DLGAP2: variants seen among roughly 807,000 people sequenced by gnomAD.
DLGAP2 encodes DLG associated protein 2, also known as disks large-associated protein 2.
DLGAP2 carries 26 observed loss-of-function variants against 100.3 expected under a neutral mutation model. The observed-to-expected ratio is 0.26, with a 90% CI of 0.19 to 0.36. The LOEUF (loss-of-function observed/expected upper bound fraction) is 0.36, where lower values mean the gene tolerates loss of function less well. Among genes scored for constraint, DLGAP2 ranks in the 10% least tolerant of loss-of-function variants. The pLI is 1.00. For synonymous variants in DLGAP2, 886 were observed against 630.1 expected (o/e 1.41, Z -6.08); for missense variants, 1,858 against 1,453.2 (o/e 1.28, Z -4.53).
chr8:1,377,442 G>A (rs1795981178), intron 3 of DLGAP2, among the ~76,000 whole-genome samples: 1 of 152,258 alleles, frequency 6.6e-6, no homozygotes, highest in Non-Finnish European at 1.5e-5. Flanking sequence ...TACTCTGGAG[G>A]CTGAGACAGG....
At chr8:1,249,779 G>A (rs904030340) in intron 2 of DLGAP2, among the ~76,000 whole-genome samples, 13 of 152,160 alleles carry the variant, frequency 8.5e-5, no homozygotes, top group Non-Finnish European at 1.8e-4. Context: ...TTTTTAGCTA[G>A]TTCTTAACCC....
At chr8:847,492 G>T (rs1490041778) in intron 1 of DLGAP2, among the ~76,000 whole-genome samples, 1 of 151,568 alleles carries the variant, frequency 6.6e-6, no homozygotes, top group Non-Finnish European at 1.5e-5. Context: ...TATCTTGATT[G>T]TGTACTTTTT....
intron 3 of DLGAP2, among the ~76,000 whole-genome samples, chr8:1,418,012 C>T (rs1047896737): frequency 2.0e-5 from 3 of 152,326 alleles, no homozygotes; most frequent in East Asian, 3.9e-4. Context: ...ATGGGCTCTA[C>T]AGTCCCGTTC....
At chr8:1,020,478 T>C (rs781460559) in intron 2 of DLGAP2, among the ~76,000 whole-genome samples, 1 of 152,248 alleles carries the variant, frequency 6.6e-6, no homozygotes, top group Non-Finnish European at 1.5e-5. Flanking sequence ...ACATGTATTA[T>C]CGCACCTGAT....
chr8:1,113,200 C>T (rs1348573123), intron 2 of DLGAP2, among the ~76,000 whole-genome samples: 1 of 151,940 alleles, frequency 6.6e-6, no homozygotes, highest in East Asian at 1.9e-4. Flanking sequence ...TTTTTGGTTC[C>T]ATATGAATTT....
intron 2 of DLGAP2, among the ~76,000 whole-genome samples, chr8:1,040,549 C>T (rs557447173): frequency 1.5e-3 from 213 of 144,482 alleles, no homozygotes; most frequent in African/African-American, 5.5e-3. Context: ...TGTGCGTGGT[C>T]GGCTCGGTGC....
At chr8:1,481,083 A>G (rs191616588) in intron 3 of DLGAP2, among the ~76,000 whole-genome samples, 95 of 152,216 alleles carry the variant, frequency 6.2e-4, no homozygotes, top group African/African-American at 2.1e-3. Context: ...GAGGCAGGAG[A>G]ATGGCGTGAA....
intron 1 of DLGAP2, among the ~76,000 whole-genome samples, chr8:820,185 A>G (rs1006339895): frequency 2.0e-5 from 3 of 152,254 alleles, no homozygotes; most frequent in African/African-American, 7.2e-5. Context: ...ATTCATTTCC[A>G]TCTCACAACA....
intron 3 of DLGAP2, among the ~76,000 whole-genome samples, chr8:1,486,295 G>A (rs550010693): frequency 2.6e-5 from 4 of 152,332 alleles, no homozygotes; most frequent in South Asian, 2.1e-4. Flanking sequence ...TGCAGTCTGC[G>A]TGTTCAAAGA....
At chr8:1,652,132 A>C (rs1025178109) in intron 8 of DLGAP2, among the ~76,000 whole-genome samples, 3 of 152,238 alleles carry the variant, frequency 2.0e-5, no homozygotes, top group African/African-American at 7.2e-5. Context: ...AAATGATTCC[A>C]TAAACCTGGT....
intron 2 of DLGAP2, among the ~76,000 whole-genome samples, chr8:981,655 G>C (rs1323886500): frequency 6.6e-6 from 1 of 152,014 alleles, no homozygotes; most frequent in African/African-American, 2.4e-5. Flanking sequence ...TTTTATATTT[G>C]CATTTCCCTG....
intron 1 of DLGAP2, among the ~76,000 whole-genome samples, chr8:886,610 G>A (rs1253142909): frequency 1.3e-5 from 2 of 152,124 alleles, no homozygotes; most frequent in Non-Finnish European, 2.9e-5. Context: ...CTTGATTTCT[G>A]CCTTAATTTC....
intron 3 of DLGAP2, among the ~76,000 whole-genome samples, chr8:1,273,599 C>G (rs1799626172): frequency 6.6e-6 from 1 of 152,220 alleles, no homozygotes; most frequent in African/African-American, 2.4e-5. Context: ...TGTGCAGAGG[C>G]AGCTCCATCC....
chr8:1,102,753 T>C (rs1234167937), intron 2 of DLGAP2, among the ~76,000 whole-genome samples: 1 of 152,080 alleles, frequency 6.6e-6, no homozygotes, highest in East Asian at 1.9e-4. Context: ...GTCCTCACAG[T>C]TGAGAGGTGG....
At chr8:941,700 T>C (rs1799200396) in intron 2 of DLGAP2, among the ~76,000 whole-genome samples, 1 of 152,336 alleles carries the variant, frequency 6.6e-6, no homozygotes, top group South Asian at 2.1e-4. Flanking sequence ...CTCTATGTTA[T>C]TATTCTTTGT....
chr8:1,005,745 C>A (rs1194712286), intron 2 of DLGAP2, among the ~76,000 whole-genome samples: 1 of 152,116 alleles, frequency 6.6e-6, no homozygotes, highest in African/African-American at 2.4e-5. Flanking sequence ...TTAAGCCATG[C>A]CTTGTGCCCT....
chr8:774,816 T>A (rs1821467449), intron 1 of DLGAP2, among the ~76,000 whole-genome samples: 1 of 146,714 alleles, frequency 6.8e-6, no homozygotes, highest in Non-Finnish European at 1.5e-5. Flanking sequence ...GGCTTAGGAT[T>A]GACTTGGCGA....
At chr8:1,699,726 C>A (rs1487001509) in intron 14 of DLGAP2, among the ~76,000 whole-genome samples, 1 of 152,166 alleles carries the variant, frequency 6.6e-6, no homozygotes, top group African/African-American at 2.4e-5. Flanking sequence ...AACAGGAGGC[C>A]CTGCCCCTCC....
At chr8:1,210,322 G>C (rs1282332438) in intron 2 of DLGAP2, among the ~76,000 whole-genome samples, 1 of 150,894 alleles carries the variant, frequency 6.6e-6, no homozygotes, top group Non-Finnish European at 1.5e-5. Context: ...TGTCTGGAAG[G>C]GCATGTGTCC....
Sources: gnomAD v4.1 joint callset for allele counts (sites outside exome capture counted in the v4.1 genomes callset) on GRCh38, gnomAD v4.1.1 for gene constraint, MANE v1.5 for transcripts, NCBI Gene and HGNC (gene_info 2026-07-23, HGNC 2026-07-21) for gene names.